The following CNTNAP2 variants were observed in gnomAD, a reference collection of about 807,000 sequenced individuals.
CNTNAP2 encodes contactin associated protein 2.
Under a neutral mutation model 155.2 loss-of-function variants are expected in CNTNAP2, and 98 were observed. The observed-to-expected ratio is 0.63, with a 90% CI of 0.54 to 0.75. CNTNAP2 has a LOEUF of 0.75. CNTNAP2 is among the 30% of genes least tolerant of loss of function. The pLI is 0.00. For missense variants in CNTNAP2, 1,727 were observed against 1,688.1 expected (o/e 1.02, Z -0.40); for synonymous variants, 651 against 631.2 (o/e 1.03, Z -0.47).
At chr7:147,074,383 A>G (rs973432542) in intron 4 of CNTNAP2, among the ~76,000 whole-genome samples, 1 of 152,074 alleles carries the variant, frequency 6.6e-6, no homozygotes, top group Non-Finnish European at 1.5e-5. Flanking sequence ...ACATCTGCAT[A>G]TGGCACTGCT....
At chr7:146,311,822 A>AATAT (rs201774524) in intron 1 of CNTNAP2, 1 of 150,374 alleles carries the variant, frequency 6.7e-6, no homozygotes, top group African/African-American at 2.4e-5. Context: ...TAACTAGAAA[A>AATAT]ATATATATAT....
chr7:147,222,482 G>A (rs977308879), intron 8 of CNTNAP2, among the ~76,000 whole-genome samples: 76 of 152,030 alleles, frequency 5.0e-4, no homozygotes, highest in African/African-American at 1.8e-3. Flanking sequence ...GTTCATGCAT[G>A]CTGTCACCTT....
chr7:147,026,523 A>C (rs1798921736), intron 3 of CNTNAP2, among the ~76,000 whole-genome samples: 1 of 152,110 alleles, frequency 6.6e-6, no homozygotes, highest in South Asian at 2.1e-4. Context: ...CTTCATATTT[A>C]TAATAATACT....
chr7:146,163,710 T>C (rs1798268289), intron 1 of CNTNAP2, among the ~76,000 whole-genome samples: 2 of 149,536 alleles, frequency 1.3e-5, no homozygotes. Context: ...ATCTTGCCAC[T>C]GCACTCCATA....
intron 21 of CNTNAP2, among the ~76,000 whole-genome samples, chr7:148,310,703 C>T (rs1437208319): frequency 6.6e-6 from 1 of 152,006 alleles, no homozygotes; most frequent in East Asian, 1.9e-4. Context: ...GTAGAGGATC[C>T]ACAGACGAAG....
At chr7:147,613,639 C>T (rs996168136) in intron 12 of CNTNAP2, among the ~76,000 whole-genome samples, 2 of 151,914 alleles carry the variant, frequency 1.3e-5, no homozygotes, top group African/African-American at 4.8e-5. Context: ...GTCAGGAGTT[C>T]GAGACCAGCC....
chr7:146,912,844 T>C (rs1388836024), intron 3 of CNTNAP2, among the ~76,000 whole-genome samples: 1 of 152,292 alleles, frequency 6.6e-6, no homozygotes, highest in Non-Finnish European at 1.5e-5. Flanking sequence ...TTTAGAATAT[T>C]GTTGCCTCTT....
intron 3 of CNTNAP2, among the ~76,000 whole-genome samples, chr7:146,878,005 G>A (rs1033846032): frequency 1.3e-5 from 2 of 152,126 alleles, no homozygotes; most frequent in Non-Finnish European, 2.9e-5. Context: ...TACATTAAAA[G>A]AGGATTCAGA....
intron 3 of CNTNAP2, among the ~76,000 whole-genome samples, chr7:146,924,480 G>C (rs1796566466): frequency 6.6e-6 from 1 of 152,062 alleles, no homozygotes; most frequent in Non-Finnish European, 1.5e-5. Flanking sequence ...ATAACAGTTA[G>C]TCAATGTGAG....
At chr7:148,284,727 G>A (rs1327061088) in intron 21 of CNTNAP2, among the ~76,000 whole-genome samples, 1 of 152,130 alleles carries the variant, frequency 6.6e-6, no homozygotes, top group Middle Eastern at 3.4e-3. Context: ...AAAAAGGTCT[G>A]GGCTACAAAG....
intron 11 of CNTNAP2, among the ~76,000 whole-genome samples, chr7:147,556,787 C>T (rs1222570182): frequency 1.3e-5 from 2 of 152,148 alleles, no homozygotes; most frequent in African/African-American, 4.8e-5. Flanking sequence ...TTATTATTAA[C>T]AGAATCATCA....
rs540578158 is a variant in CNTNAP2, at chr7:146,553,280, A to T, written c.98-220991A>T. On this transcript the variant is annotated intron_variant, in intron 1 of 23. Coordinates refer to ENST00000361727, the MANE Select transcript of CNTNAP2 (RefSeq NM_014141.6). ...CTATTCTTGAATCATAACATAGAAG[A>T]AGTCTATAGAAAACTCCATTCTTTT... Among the ~76,000 whole-genome samples, 130 of 152,192 alleles carry T rather than the reference A, an allele frequency of 8.5e-4. 2 individuals carry two copies. Among genetic ancestry groups the T allele is most frequent in the African/African-American group, 3.0e-3 (126 of 41,570 alleles).
chr7:147,204,932 AGTAAT>A (rs1344557882), intron 8 of CNTNAP2, among the ~76,000 whole-genome samples: 1 of 152,140 alleles, frequency 6.6e-6, no homozygotes, highest in Non-Finnish European at 1.5e-5. Context: ...AACATATTAA[AGTAAT>A]AAATGGGTGG....
intron 21 of CNTNAP2, among the ~76,000 whole-genome samples, chr7:148,301,144 A>C (rs1429455698): frequency 1.3e-5 from 2 of 151,788 alleles, no homozygotes; most frequent in African/African-American, 2.4e-5. Flanking sequence ...AAATACAAAA[A>C]TTGGCTGGGC....
chr7:148,211,617 A>G (rs1020239312), intron 18 of CNTNAP2, among the ~76,000 whole-genome samples: 2 of 152,216 alleles, frequency 1.3e-5, no homozygotes, highest in Middle Eastern at 3.2e-3. Flanking sequence ...CCCTCAAGCC[A>G]GTTGCTTAAC....
chr7:147,296,841 G>C (rs1805457531), intron 8 of CNTNAP2, among the ~76,000 whole-genome samples: 1 of 152,102 alleles, frequency 6.6e-6, no homozygotes. Flanking sequence ...TAGCCCACTG[G>C]AGTCTCTCTG....
At chr7:146,784,715 C>T (rs542209408) in intron 2 of CNTNAP2, among the ~76,000 whole-genome samples, 3 of 152,220 alleles carry the variant, frequency 2.0e-5, no homozygotes, top group Admixed American at 6.5e-5. Context: ...CGTCACTGAA[C>T]GCCCGTTGTG....
chr7:146,449,321 G>A (rs6961013), intron 1 of CNTNAP2, among the ~76,000 whole-genome samples: 2 of 151,806 alleles, frequency 1.3e-5, no homozygotes, highest in South Asian at 4.2e-4. Context: ...CATAGTGTTG[G>A]TATTTTTCTA....
At chr7:146,350,818 A>G (rs376640004) in intron 1 of CNTNAP2, among the ~76,000 whole-genome samples, 11 of 152,162 alleles carry the variant, frequency 7.2e-5, no homozygotes, top group African/African-American at 2.7e-4. Flanking sequence ...AGAAAATGTG[A>G]CACATATACA....
Sources: gnomAD v4.1 joint callset for allele counts (sites outside exome capture counted in the v4.1 genomes callset) on GRCh38, gnomAD v4.1.1 for gene constraint, MANE v1.5 for transcripts, NCBI Gene and HGNC (gene_info 2026-07-23, HGNC 2026-07-21) for gene names.